Variants in CFAP43 observed in about 807,000 individuals in gnomAD.
CFAP43 encodes cilia and flagella associated protein 43.
CFAP43 carries 155 observed loss-of-function variants against 218.9 expected under a neutral mutation model. The observed-to-expected ratio is 0.71, with a 90% CI of 0.62 to 0.81. The LOEUF is 0.81. CFAP43 is among the 30% of genes least tolerant of loss of function. CFAP43 has a pLI of 0.00. For synonymous variants in CFAP43, 645 were observed against 681.3 expected (o/e 0.95, Z 0.83); for missense variants, 1,778 against 1,954.3 (o/e 0.91, Z 1.70).
At chr10:104,178,290 T>G (rs962705629) in intron 19 of CFAP43, among the ~76,000 whole-genome samples, 11 of 152,192 alleles carry the variant, frequency 7.2e-5, no homozygotes, top group African/African-American at 2.7e-4. Flanking sequence ...GATTGATCAC[T>G]TCAGGTATTT....
At chr10:104,184,640 G>C (rs2089971917) in intron 16 of CFAP43, among the ~76,000 whole-genome samples, 1 of 151,720 alleles carries the variant, frequency 6.6e-6, no homozygotes, top group African/African-American at 2.4e-5. Context: ...TCACAATCGG[G>C]GCCACCATTT....
In CFAP43 at chr10:104,203,551, C is replaced by T. The variant is rs2090593502; in HGVS notation, c.1095+121G>A. 4 of 937,258 alleles carry T rather than the reference C, an allele frequency of 4.3e-6. No individual in the cohort carries two copies. In the East Asian group the frequency reaches 1.2e-4, roughly 27 times the overall value. 58.1% of individuals were successfully genotyped at this position (937,258 alleles called of 1,614,324 possible). On this transcript the variant is annotated intron_variant, in intron 8 of 37. Coordinates refer to ENST00000357060, the MANE Select transcript of CFAP43 (RefSeq NM_025145.7). ...AAATTGGGTATTTTTTCATTTACAA[C>T]CTAGAGTCTTGACAAGTAGAGTACC...
At chr10:104,214,193 C>A (rs915612236) in intron 4 of CFAP43, 66 bp downstream of exon 4, 2 of 1,446,928 alleles carry the variant, frequency 1.4e-6, no homozygotes, top group Non-Finnish European at 9.2e-7. Flanking sequence ...TCAAATTGAC[C>A]CAATCACATT....
At chr10:104,192,074 G>T (rs1483932156) in intron 12 of CFAP43, 125 bp downstream of exon 12, 4 of 703,506 alleles carry the variant, frequency 5.7e-6, no homozygotes, top group Non-Finnish European at 6.9e-6. Context: ...TTATTTAAAG[G>T]TTTCTCTTTC....
At chr10:104,162,637 T>C (rs1018264472) in intron 24 of CFAP43, among the ~76,000 whole-genome samples, 5 of 151,636 alleles carry the variant, frequency 3.3e-5, no homozygotes, top group Non-Finnish European at 5.9e-5. Context: ...AAAAAGATTA[T>C]AACAGGGAAC....
chr10:104,227,525 A>G (rs941942879), intron 2 of CFAP43, among the ~76,000 whole-genome samples: 9 of 152,208 alleles, frequency 5.9e-5, no homozygotes, highest in African/African-American at 2.2e-4. Flanking sequence ...AAATCTTGAG[A>G]TGAAACATTT....
chr10:104,182,925 G>A (rs2089902704), intron 16 of CFAP43, among the ~76,000 whole-genome samples: 1 of 152,058 alleles, frequency 6.6e-6, no homozygotes, highest in Non-Finnish European at 1.5e-5. Context: ...TCCAGGCCAT[G>A]ACAAGCTTCT....
chr10:104,177,179 A>AGG (rs2089661091), intron 19 of CFAP43, among the ~76,000 whole-genome samples: 1 of 152,166 alleles, frequency 6.6e-6, no homozygotes, highest in Non-Finnish European at 1.5e-5. Flanking sequence ...GAAAACACCT[A>AGG]GGGTCCTGGT....
Position 104,187,574 on chromosome 10 carries a change from A to T in CFAP43, c.1688-82T>A, listed in dbSNP as rs2090072944. Reference sequence around the variant, plus strand: ...TTTAAAATTATGAACAATTATGAAAAGCAAAATAAAATTTAAATGCTCAAC... The same window carrying T: ...TTTAAAATTATGAACAATTATGAAATGCAAAATAAAATTTAAATGCTCAAC... On this transcript the variant is annotated intron_variant, in intron 13 of 37. Transcript: ENST00000357060. 2.4e-6 allele frequency: 3 copies of T among 1,238,716 alleles called. No individual in the cohort carries two copies. In the Admixed American group the frequency reaches 9.0e-5, roughly 37 times the overall value. The allele number at this position is 1,238,716 out of a possible 1,614,324, so 76.7% of individuals were successfully genotyped here.
rs1258708184 is a variant in CFAP43, at chr10:104,152,606, C to T, written c.3660+1G>A. On this transcript the variant is annotated splice_donor_variant, in intron 28 of 37. Coordinates refer to ENST00000357060, the MANE Select transcript of CFAP43 (RefSeq NM_025145.7). LOFTEE classifies it high-confidence loss of function. ...GTCACATAAGTAAAGCTTTTATTTACCTGGTTGGTAACCATCTCTGCCTTC... is the reference window on the plus strand; with the variant it reads ...GTCACATAAGTAAAGCTTTTATTTATCTGGTTGGTAACCATCTCTGCCTTC... 2 of 1,613,136 alleles carry T rather than the reference C, an allele frequency of 1.2e-6. No individual in the cohort carries two copies. The highest frequency in any genetic ancestry group is 2.2e-5 in the East Asian group (1 of 44,878).
chr10:104,163,712 G>A (rs1251526959), intron 24 of CFAP43, among the ~76,000 whole-genome samples: 6 of 152,142 alleles, frequency 3.9e-5, no homozygotes, highest in Non-Finnish European at 8.8e-5. Flanking sequence ...AAATGAACTG[G>A]GAATTGGGAC....
intron 31 of CFAP43, among the ~76,000 whole-genome samples, chr10:104,144,604 G>A (rs565272074): frequency 2.0e-5 from 3 of 152,178 alleles, no homozygotes; most frequent in Admixed American, 1.3e-4. Flanking sequence ...AGCAGAGATC[G>A]TGCCACTGCA....
intron 29 of CFAP43, among the ~76,000 whole-genome samples, chr10:104,147,253 GA>G: frequency 6.6e-6 from 1 of 151,132 alleles, no homozygotes; most frequent in East Asian, 1.9e-4. Flanking sequence ...GTATTTAGAA[GA>G]AGCTTTGCAT....
intron 19 of CFAP43, among the ~76,000 whole-genome samples, chr10:104,176,622 G>T (rs2089638924): frequency 6.6e-6 from 1 of 151,974 alleles, no homozygotes; most frequent in South Asian, 2.1e-4. Context: ...TAATAATAAG[G>T]GCTACCTTTA....
At chr10:104,184,405 C>T (rs1215690921) in intron 16 of CFAP43, among the ~76,000 whole-genome samples, 2 of 151,014 alleles carry the variant, frequency 1.3e-5, no homozygotes, top group Admixed American at 6.6e-5. Context: ...GAATTGTCCA[C>T]ATTTCTTATG....
intron 11 of CFAP43, 137 bp downstream of exon 11, chr10:104,193,729 T>G (rs2090299557): frequency 2.4e-6 from 3 of 1,229,042 alleles, no homozygotes; most frequent in Non-Finnish European, 3.3e-6. Context: ...CTTTTGAGTG[T>G]TGAACTGTGT....
In CFAP43 at chr10:104,141,009, G is replaced by T. The variant is rs759584231; in HGVS notation, c.4272-8C>A. ...ACTTTCTCTTCCTGTAATCTGAATT[G>T]AAAAGTACTTCAAAGCAAGTAGTTG... On this transcript the variant is annotated splice_region_variant and splice_polypyrimidine_tract_variant and intron_variant, in intron 33 of 37. Coordinates refer to ENST00000357060, the MANE Select transcript of CFAP43 (RefSeq NM_025145.7). 3.1e-5 allele frequency: 49 copies of T among 1,603,542 alleles called. No individual in the cohort carries two copies. The highest frequency in any genetic ancestry group is 4.0e-5 in the Non-Finnish European group (47 of 1,175,812).
intron 8 of CFAP43, among the ~76,000 whole-genome samples, chr10:104,198,633 T>G (rs2090444178): frequency 6.6e-6 from 1 of 152,012 alleles, no homozygotes; most frequent in African/African-American, 2.4e-5. Context: ...CGTTTTTTAT[T>G]TTTAATTTTT....
At chr10:104,191,119 C>T (rs2090196222) in intron 12 of CFAP43, among the ~76,000 whole-genome samples, 1 of 152,154 alleles carries the variant, frequency 6.6e-6, no homozygotes, top group Non-Finnish European at 1.5e-5. Flanking sequence ...TTTTTAATTT[C>T]ATTCTTTTGC....
Sources: allele counts gnomAD v4.1 joint callset (sites outside exome capture counted in the v4.1 genomes callset), GRCh38; gene constraint gnomAD v4.1.1; transcripts MANE v1.5; gene names NCBI Gene and HGNC (gene_info 2026-07-23, HGNC 2026-07-21).